SASH1: variants seen among roughly 807,000 people sequenced by gnomAD.
The protein encoded by SASH1 is SAM and SH3 domain containing 1, also known as SAM and SH3 domain-containing protein 1.
Under a neutral mutation model 125.2 loss-of-function variants are expected in SASH1, and 44 were observed. The ratio of observed to expected loss-of-function variants is 0.35; its 90% confidence interval spans 0.28 to 0.45. The LOEUF is 0.45. SASH1 is among the 20% of genes least tolerant of loss of function. SASH1 has a pLI of 1.00. For missense variants in SASH1, 1,426 were observed against 1,614.5 expected, an observed-to-expected ratio of 0.88 and a Z score of 2.00; for synonymous variants, 639 against 649.1, an observed-to-expected ratio of 0.98 and a Z score of 0.24.
chr6:148,399,259 C>G (rs959862245), intron 2 of SASH1, among the ~76,000 whole-genome samples: 4 of 129,894 alleles, frequency 3.1e-5, no homozygotes, highest in Non-Finnish European at 4.7e-5. Flanking sequence ...CTCTTGTCTG[C>G]CAGGCTGGGG....
At chr6:148,543,132 T>A (rs1363389651) in intron 17 of SASH1, among the ~76,000 whole-genome samples, 2 of 152,194 alleles carry the variant, frequency 1.3e-5, no homozygotes, top group Admixed American at 1.3e-4. Flanking sequence ...CTCACAAAAG[T>A]TTACCTGTCT....
intron 1 of SASH1, among the ~76,000 whole-genome samples, chr6:148,333,354 G>A (rs984797965): frequency 6.6e-6 from 1 of 152,066 alleles, no homozygotes; most frequent in African/African-American, 2.4e-5. Context: ...TCAAGCCACT[G>A]CACTCCAGAC....
intron 7 of SASH1, among the ~76,000 whole-genome samples, chr6:148,486,073 A>G (rs1283230592): frequency 6.6e-6 from 1 of 152,216 alleles, no homozygotes; most frequent in East Asian, 1.9e-4. Flanking sequence ...AGTAAAAGAC[A>G]TTATAAAAAA....
At chr6:148,214,466 C>G in the SASH1 span, among the ~76,000 whole-genome samples, 3 of 152,108 alleles carry the variant, frequency 2.0e-5, no homozygotes, top group Non-Finnish European at 2.9e-5. Flanking sequence ...ACTTCATTCT[C>G]TGACATTAAA....
rs1780639706 is a variant in SASH1 at position 148,519,085 on chromosome 6, A to G, written c.863-462A>G. 6.6e-6 allele frequency among the ~76,000 whole-genome samples: 1 copy of G among 152,236 alleles called. No individual in the cohort carries two copies. The highest frequency in any genetic ancestry group is 6.5e-5 in the Admixed American group (1 of 15,292). On this transcript the variant is annotated intron_variant, in intron 9 of 19. Coordinates refer to ENST00000367467, the MANE Select transcript of SASH1 (RefSeq NM_015278.5). The surrounding 1 kb of genome is among the most constrained non-coding windows in gnomAD (Gnocchi z 4.8). ...AGTCACTCAAATGGCATATGTACCAATAAAACAATCACTGTCAGCCACATG... is the reference window on the plus strand; with the variant it reads ...AGTCACTCAAATGGCATATGTACCAGTAAAACAATCACTGTCAGCCACATG...
At chr6:148,451,287 C>T (rs928025850) in intron 4 of SASH1, among the ~76,000 whole-genome samples, 9 of 152,238 alleles carry the variant, frequency 5.9e-5, no homozygotes, top group South Asian at 2.1e-4. Flanking sequence ...TGGGCTTACT[C>T]GTGACCCAAC....
At chr6:148,206,862 A>C in the SASH1 span, among the ~76,000 whole-genome samples, 70 of 152,012 alleles carry the variant, frequency 4.6e-4, no homozygotes, top group African/African-American at 1.6e-3. Flanking sequence ...GCATTAAAAA[A>C]CATTCAGCTT....
intron 1 of SASH1, among the ~76,000 whole-genome samples, chr6:148,335,333 G>T (rs1475819859): frequency 5.3e-5 from 8 of 151,004 alleles, no homozygotes; most frequent in Non-Finnish European, 1.2e-4. Context: ...GGCATGGTAG[G>T]GGTCACCTGT....
At chr6:148,288,495 C>T (rs369428866) in intron 1 of SASH1, among the ~76,000 whole-genome samples, 25 of 152,164 alleles carry the variant, frequency 1.6e-4, no homozygotes, top group African/African-American at 6.0e-4. Flanking sequence ...CCTATGCATC[C>T]GTACATGAAC....
chr6:148,475,448 G>C (rs1778296453), intron 7 of SASH1, among the ~76,000 whole-genome samples: 1 of 152,184 alleles, frequency 6.6e-6, no homozygotes, highest in South Asian at 2.1e-4. Context: ...TGCAGGGGAG[G>C]AAGGCTAGAT....
the SASH1 span, among the ~76,000 whole-genome samples, chr6:148,230,662 T>TG: frequency 1.6e-3 from 243 of 152,344 alleles, no homozygotes; most frequent in Admixed American, 2.7e-3. Flanking sequence ...TCCACATTCT[T>TG]GTGAACACCT....
intron 17 of SASH1, 149 bp downstream of exon 17, chr6:148,540,705 C>T: frequency 1.6e-6 from 1 of 630,282 alleles, no homozygotes; most frequent in Non-Finnish European, 2.8e-6. Context: ...TCCAAGTTAG[C>T]CTCCCTATCT....
upstream of SASH1, among the ~76,000 whole-genome samples, chr6:148,271,055 G>A (rs1023853364): frequency 1.1e-4 from 17 of 151,926 alleles, no homozygotes; most frequent in Admixed American, 3.3e-4. Context: ...GATTACAGGC[G>A]CCCGCCACCA....
intron 7 of SASH1, chr6:148,479,784 G>A (rs1010058768): frequency 6.5e-6 from 1 of 152,716 alleles, no homozygotes; most frequent in African/African-American, 2.4e-5. Flanking sequence ...CACAACTATT[G>A]TCTGTAAGGC....
intron 4 of SASH1, among the ~76,000 whole-genome samples, chr6:148,453,616 G>T (rs1157073497): frequency 6.6e-6 from 1 of 152,146 alleles, no homozygotes. Context: ...AAAGACTGGG[G>T]TGCTCGGAGA....
chr6:148,287,563 C>A (rs1245479180), intron 1 of SASH1, among the ~76,000 whole-genome samples: 1 of 152,106 alleles, frequency 6.6e-6, no homozygotes, highest in African/African-American at 2.4e-5. Context: ...TATTCTAATG[C>A]TGTCTTTGAA....
chr6:148,263,568 G>A, the SASH1 span, among the ~76,000 whole-genome samples: 1 of 152,208 alleles, frequency 6.6e-6, no homozygotes, highest in East Asian at 1.9e-4. Flanking sequence ...GATATTAACA[G>A]CTCTCATTAA....
intron 16 of SASH1, among the ~76,000 whole-genome samples, chr6:148,539,902 G>T (rs1782113680): frequency 6.6e-6 from 1 of 152,102 alleles, no homozygotes; most frequent in African/African-American, 2.4e-5. Context: ...AGCACGTGTT[G>T]CTGAGGGCTA....
At chr6:148,270,467 C>T (rs968231534), upstream of SASH1, among the ~76,000 whole-genome samples, 7 of 152,038 alleles carry the variant, frequency 4.6e-5, no homozygotes, top group Non-Finnish European at 1.0e-4. Flanking sequence ...GGGAGTTATG[C>T]CTTTGGTGAT....
Sources: gnomAD v4.1 joint callset for allele counts (sites outside exome capture counted in the v4.1 genomes callset) on GRCh38, gnomAD v4.1.1 for gene constraint, Gnocchi (gnomAD v3.1) non-coding constraint, MANE v1.5 for transcripts, NCBI Gene and HGNC (gene_info 2026-07-23, HGNC 2026-07-21) for gene names.